PLCXD3: variants seen among roughly 807,000 people sequenced by gnomAD.
The protein encoded by PLCXD3 is PI-PLC X domain-containing protein 3.
Under a neutral mutation model 25.5 loss-of-function variants are expected in PLCXD3, and 19 were observed. The observed-to-expected ratio is 0.75, with a 90% CI of 0.52 to 1.09. The LOEUF (loss-of-function observed/expected upper bound fraction) is 1.09, where lower values mean the gene tolerates loss of function less well. PLCXD3 is among the 50% of genes least tolerant of loss of function. The probability of loss-of-function intolerance (pLI) is 0.00; values close to 1 mark genes in which losing one functional copy is unlikely to be tolerated. For synonymous variants in PLCXD3, 174 were observed against 137.6 expected (o/e 1.26, Z -1.85); for missense variants, 411 against 388.1 (o/e 1.06, Z -0.50).
intron 2 of PLCXD3, among the ~76,000 whole-genome samples, chr5:41,360,704 G>A (rs1284804565): frequency 1.3e-5 from 2 of 152,212 alleles, no homozygotes; most frequent in Non-Finnish European, 2.9e-5. Flanking sequence ...GTCTTGTGAT[G>A]TGATCCATCT....
chr5:41,421,602 G>A (rs572555234), intron 1 of PLCXD3, among the ~76,000 whole-genome samples: 11 of 152,304 alleles, frequency 7.2e-5, no homozygotes, highest in African/African-American at 2.6e-4. Flanking sequence ...TCGGGAGGCT[G>A]AGGCAGGAGA....
chr5:41,492,660 T>C (rs1748731069), intron 1 of PLCXD3, among the ~76,000 whole-genome samples: 1 of 152,186 alleles, frequency 6.6e-6, no homozygotes, highest in African/African-American at 2.4e-5. Flanking sequence ...TCTCTAAACT[T>C]CCCTTCTCGC....
intron 1 of PLCXD3, among the ~76,000 whole-genome samples, chr5:41,448,007 A>G (rs1318335153): frequency 1.3e-5 from 2 of 152,346 alleles, no homozygotes; most frequent in Admixed American, 1.3e-4. Context: ...TATGGGGGAC[A>G]AAGAAGGAGG....
At chr5:41,363,266 T>C (rs1003636271) in intron 2 of PLCXD3, among the ~76,000 whole-genome samples, 5 of 152,204 alleles carry the variant, frequency 3.3e-5, no homozygotes, top group African/African-American at 1.2e-4. Flanking sequence ...GTAACCATGT[T>C]GAGGATAAGG....
chr5:41,389,050 C>G (rs1311324857), intron 1 of PLCXD3, among the ~76,000 whole-genome samples: 1 of 151,380 alleles, frequency 6.6e-6, no homozygotes, highest in Non-Finnish European at 1.5e-5. Flanking sequence ...CAGTTACTTG[C>G]TTGATTTTTT....
chr5:41,416,466 A>C (rs1455220989), intron 1 of PLCXD3, among the ~76,000 whole-genome samples: 2 of 152,214 alleles, frequency 1.3e-5, no homozygotes, highest in African/African-American at 4.8e-5. Flanking sequence ...GTCTCAGACC[A>C]TCTCCTACTT....
intron 1 of PLCXD3, among the ~76,000 whole-genome samples, chr5:41,446,103 A>T (rs370300968): frequency 7.3e-6 from 1 of 136,664 alleles, no homozygotes; most frequent in Non-Finnish European, 1.5e-5. Context: ...CAGGAGAATG[A>T]CGTGAACCCG....
At chr5:41,394,185 T>C (rs756730850) in intron 1 of PLCXD3, among the ~76,000 whole-genome samples, 14 of 152,180 alleles carry the variant, frequency 9.2e-5, no homozygotes, top group Non-Finnish European at 1.0e-4. Flanking sequence ...GTTTTCTTTC[T>C]GCTTGTTTGT....
At chr5:41,335,068 T>A (rs1246936267) in intron 2 of PLCXD3, among the ~76,000 whole-genome samples, 2 of 152,190 alleles carry the variant, frequency 1.3e-5, no homozygotes, top group Non-Finnish European at 2.9e-5. Flanking sequence ...TGGGATCACA[T>A]GTTCTCACTT....
rs1580364792 is a variant in PLCXD3 at position 41,421,593 on chromosome 5, C to T, written c.104-39059G>A. Among the ~76,000 whole-genome samples the T allele has an allele frequency of 3.3e-5, 5 of 152,078 alleles. No homozygotes were observed. In the South Asian group the frequency reaches 1.0e-3, roughly 32 times the overall value. Reference sequence around the variant, plus strand: ...GCGGGGGCCTGTAGTCCCAGCTACTCGGGAGGCTGAGGCAGGAGAATGGCG... The same window carrying T: ...GCGGGGGCCTGTAGTCCCAGCTACTTGGGAGGCTGAGGCAGGAGAATGGCG... On this transcript the variant is annotated intron_variant, in intron 1 of 2. Transcript: ENST00000377801.
chr5:41,474,624 C>T (rs544411282), intron 1 of PLCXD3, among the ~76,000 whole-genome samples: 6 of 152,272 alleles, frequency 3.9e-5, no homozygotes, highest in Non-Finnish European at 5.9e-5. Flanking sequence ...ATCCCTGATT[C>T]TCTCACTTCT....
chr5:41,381,556 C>T (rs999668540), intron 2 of PLCXD3, among the ~76,000 whole-genome samples: 2 of 152,020 alleles, frequency 1.3e-5, no homozygotes, highest in African/African-American at 4.8e-5. Context: ...CCAGCCACCA[C>T]CAGAACCTAG....
At chr5:41,495,218 C>A (rs570351996) in intron 1 of PLCXD3, among the ~76,000 whole-genome samples, 9 of 152,222 alleles carry the variant, frequency 5.9e-5, no homozygotes, top group Non-Finnish European at 1.2e-4. Flanking sequence ...CTAGACTGCA[C>A]GTCCAACATT....
chr5:41,448,810 A>G (rs1747563383), intron 1 of PLCXD3, among the ~76,000 whole-genome samples: 2 of 152,194 alleles, frequency 1.3e-5, no homozygotes, highest in Non-Finnish European at 2.9e-5. Context: ...AAACCCAACA[A>G]CAAAGAAAGA....
At chr5:41,369,216 T>A (rs1745022696) in intron 2 of PLCXD3, among the ~76,000 whole-genome samples, 1 of 152,132 alleles carries the variant, frequency 6.6e-6, no homozygotes, top group African/African-American at 2.4e-5. Context: ...CCAGCCAATG[T>A]GAAAGTGAGA....
At chr5:41,411,851 TA>T (rs982642016) in intron 1 of PLCXD3, among the ~76,000 whole-genome samples, 2 of 146,478 alleles carry the variant, frequency 1.4e-5, no homozygotes, top group African/African-American at 2.5e-5. Flanking sequence ...TATCTCCATA[TA>T]TATGTATCCA....
chr5:41,348,533 A>G lies in PLCXD3; in HGVS notation c.812+33293T>C, dbSNP rs1013336770. On this transcript the variant is annotated intron_variant, in intron 2 of 2. Transcript: ENST00000377801. Reference sequence around the variant, plus strand: ...ACAAGACAAGGAAGCTTGTGCAAATATAATAATAAAGGTCTTCCAACTTTG... The same window carrying G: ...ACAAGACAAGGAAGCTTGTGCAAATGTAATAATAAAGGTCTTCCAACTTTG... Among the ~76,000 whole-genome samples the G allele has an allele frequency of 2.6e-5, 4 of 152,328 alleles. No individual in the cohort carries two copies. In the East Asian group the frequency reaches 5.8e-4, roughly 22 times the overall value.
intron 1 of PLCXD3, 25 bp downstream of exon 1, chr5:41,510,399 T>C: frequency 6.3e-7 from 1 of 1,582,868 alleles, no homozygotes; most frequent in Non-Finnish European, 8.6e-7. Context: ...GCCGAGCGCC[T>C]AGCCCGCAGC....
chr5:41,352,703 C>G (rs1047605667), intron 2 of PLCXD3, among the ~76,000 whole-genome samples: 4 of 152,172 alleles, frequency 2.6e-5, no homozygotes, highest in Non-Finnish European at 5.9e-5. Flanking sequence ...AAATACACAT[C>G]TGAAGAATTC....
Sources: allele counts gnomAD v4.1 joint callset (sites outside exome capture counted in the v4.1 genomes callset), GRCh38; gene constraint gnomAD v4.1.1; transcripts MANE v1.5; gene names NCBI Gene and HGNC (gene_info 2026-07-23, HGNC 2026-07-21).